Variants in WDR81 observed in about 807,000 individuals in gnomAD.
WDR81 encodes the protein WD repeat-containing protein 81.
WDR81 carries 92 observed loss-of-function variants against 140.8 expected under a neutral mutation model. The ratio of observed to expected loss-of-function variants is 0.65; its 90% CI spans 0.55 to 0.78. The LOEUF is 0.78. Among genes scored for constraint, WDR81 ranks in the 30% least tolerant of loss-of-function variants. The probability of loss-of-function intolerance (pLI) is 0.00; values close to 1 mark genes in which losing one functional copy is unlikely to be tolerated. For missense variants in WDR81, 2,502 were observed against 2,636.4 expected, an observed-to-expected ratio of 0.95 and a Z score of 1.12; for synonymous variants, 1,183 against 1,156.4, an observed-to-expected ratio of 1.02 and a Z score of -0.47.
At position 1,733,839 on chromosome 17, in the gene WDR81, C is replaced by A. The variant is rs1359764821; in HGVS notation, c.4802C>A (p.Ala1601Asp). 1 of 1,612,618 alleles carries A rather than the reference C, an allele frequency of 6.2e-7. No individual in the cohort carries two copies. Among genetic ancestry groups the A allele is most frequent in the Non-Finnish European group, 8.5e-7 (1 of 1,179,848 alleles). The change falls in exon 7 of 10, where the codon GCC becomes GAC. Residue 1601 changes from alanine (A) to aspartate (D), a missense_variant. Transcript: ENST00000409644. ...GGLGSGSDDN[A>D]LKQELPRSVH... is the part of the protein sequence containing the mutation. Reference sequence around the variant, plus strand: ...CTGGGCAGCGGGAGCGACGACAACGCCCTGAAGCAGGAGCTGCCGCGGAGC... The same window carrying A: ...CTGGGCAGCGGGAGCGACGACAACGACCTGAAGCAGGAGCTGCCGCGGAGC...
At chr17:1,717,907 T>G (rs1398655871) in intron 1 of WDR81, among the ~76,000 whole-genome samples, 1 of 152,028 alleles carries the variant, frequency 6.6e-6, no homozygotes, top group African/African-American at 2.4e-5. Flanking sequence ...AGGTCCAGAA[T>G]GGTGGCTGGC....
In WDR81 at chr17:1,726,970, C is replaced by T. The variant is rs1915319421; in HGVS notation, c.2011C>T (p.Leu671Phe). 2 of 1,550,478 alleles carry T rather than the reference C, an allele frequency of 1.3e-6. No individual in the cohort carries two copies. Among genetic ancestry groups the T allele is most frequent in the Non-Finnish European group, 8.7e-7 (1 of 1,146,992 alleles). Residue 671 changes from leucine (L) to phenylalanine (F), a missense_variant, in exon 1 of 10, where the codon CTT (leucine) becomes TTT (phenylalanine). This residue lies in a region of WDR81 where 1,737 missense variants were observed against 1,843.0 expected (regional missense o/e 0.94). Transcript: ENST00000409644. ...CACAGAAGCTCTGGATTCCATTTCC[C>T]TTGCTGGGAAAGCAGGTGACCAGCT... Reference protein sequence around the residue: ...QATEALDSISLAGKAGDQLGS... With the variant: ...QATEALDSISFAGKAGDQLGS...
Position 1,728,416 on chromosome 17 carries a change from G to A in WDR81, c.3457G>A (p.Glu1153Lys), listed in dbSNP as rs1436697489. The change falls in exon 1 of 10, where the codon GAG becomes AAG. Residue 1153 changes from glutamate to lysine, a missense_variant. Physicochemically the swap from Glu to Lys is moderately conservative, Grantham distance 56. Around this residue, in one of 3 missense-constraint regions of WDR81, gnomAD observed 1,737 missense variants for 1,843.0 expected, o/e 0.94. Coordinates refer to ENST00000409644, the MANE Select transcript of WDR81 (RefSeq NM_001163809.2). The part of the protein sequence containing the change: ...SQDLKQSEGS[E>K]EEEEEEDSCV... ...GGACTTGAAGCAAAGCGAGGGCTCCGAGGAGGAAGAGGAGGAGGAGGACAG... is the reference window on the plus strand; with the variant it reads ...GGACTTGAAGCAAAGCGAGGGCTCCAAGGAGGAAGAGGAGGAGGAGGACAG... 72 of 1,612,506 alleles carry A rather than the reference G, an allele frequency of 4.5e-5. No individual in the cohort carries two copies. The highest frequency in any genetic ancestry group is 5.8e-5 in the Non-Finnish European group (69 of 1,179,674).
At position 1,733,674 on chromosome 17, in the gene WDR81, G is replaced by T. The variant is rs1381342888; in HGVS notation, c.4637G>T (p.Gly1546Val). 13 of 1,610,638 alleles carry T rather than the reference G, an allele frequency of 8.1e-6. No homozygotes were observed. The highest frequency in any genetic ancestry group is 1.3e-5 in the African/African-American group (1 of 74,898). Residue 1546 changes from glycine to valine, a missense_variant, in exon 7 of 10, where the codon GGT (glycine) becomes GTT (valine). Coordinates refer to ENST00000409644, the MANE Select transcript of WDR81 (RefSeq NM_001163809.2). The stretch of plus-strand genomic sequence containing the variant: ...ACCGGGCCCGAGTGGGACCCCCATG[G>T]TGGGGGCTGCCCTCAGGATGACGGC... ...PGTGPEWDPHGGGCPQDDGHS... is the reference protein window; with the variant it reads ...PGTGPEWDPHVGGCPQDDGHS...
intron 5 of WDR81, 40 bp downstream of exon 5, chr17:1,732,530 G>C: frequency 1.2e-6 from 2 of 1,602,310 alleles, no homozygotes; most frequent in Non-Finnish European, 1.7e-6. Context: ...TGGGGCGGGG[G>C]CTGTGGACCT....
At chr17:1,718,051 C>T (rs1439533024) in intron 1 of WDR81, among the ~76,000 whole-genome samples, 4 of 152,132 alleles carry the variant, frequency 2.6e-5, no homozygotes, top group Non-Finnish European at 5.9e-5. Flanking sequence ...CCCTATTCCT[C>T]CATGGACAGG....
rs771114477 is a variant in WDR81, at chr17:1,728,424, AGAGGAG to A, written c.3474_3479del (p.Glu1158_Glu1159del). On this transcript the variant is annotated inframe_deletion, in exon 1 of 10. Transcript: ENST00000409644. ...AGCAAAGCGAGGGCTCCGAGGAGGA[AGAGGAG>A]GAGGAGGACAGCTGCGTGGTGCTAG... 2 of 1,612,308 alleles carry A rather than the reference AGAGGAG, an allele frequency of 1.2e-6. No homozygotes were observed. Among genetic ancestry groups the A allele is most frequent in the Non-Finnish European group, 1.7e-6 (2 of 1,179,528 alleles).
rs1042577555 is a variant in WDR81 at position 1,738,071 on chromosome 17, G to T, written c.*386G>T. ...GCCGGTCTCTAGCCCCTCAGCCCCC[G>T]CTGGGCACTCTCTGTCCCATCCCTC... On this transcript the variant is annotated 3_prime_UTR_variant, in exon 10 of 10. Transcript: ENST00000409644. 6.6e-6 allele frequency: 2 copies of T among 300,996 alleles called. No individual in the cohort carries two copies. Among genetic ancestry groups the T allele is most frequent in the South Asian group, 8.1e-5 (2 of 24,690 alleles). 18.6% of individuals were successfully genotyped at this position (300,996 alleles called of 1,614,324 possible).
chr17:1,736,058 G>A lies in WDR81; in HGVS notation c.5345G>A (p.Gly1782Asp), dbSNP rs767550213. Residue 1782 changes from glycine (G) to aspartate (D), a missense_variant, in exon 9 of 10, where the codon GGT becomes GAT. Gly to Asp is a moderately conservative substitution (Grantham distance 94). Coordinates refer to ENST00000409644, the MANE Select transcript of WDR81 (RefSeq NM_001163809.2). ...CTGCAGCACGAGTTCCGACTGGGCGGTGGGCTGAACCCTGGGCTTGTCCGT... is the reference window on the plus strand; with the variant it reads ...CTGCAGCACGAGTTCCGACTGGGCGATGGGCTGAACCCTGGGCTTGTCCGT... ...PGLQHEFRLGGGLNPGLVRAL... is the reference protein window; with the variant it reads ...PGLQHEFRLGDGLNPGLVRAL... 1.3e-6 allele frequency: 2 copies of A among 1,599,564 alleles called. No homozygotes were observed. Among genetic ancestry groups the A allele is most frequent in the Admixed American group, 3.3e-5 (2 of 59,870 alleles).
upstream of WDR81, among the ~76,000 whole-genome samples, chr17:1,723,443 TTTTATTTATTTATTTTTA>T (rs1388675324): frequency 8.4e-5 from 12 of 142,160 alleles, 1 homozygote; most frequent in Middle Eastern, 3.6e-3. Flanking sequence ...TTGGTTTTAT[TTTTATTTATTTATTTTTA>T]TTTATTTATT....
At chr17:1,724,408 G>A (rs1403012456), upstream of WDR81, 23 of 893,156 alleles carry the variant, frequency 2.6e-5, no homozygotes, top group Non-Finnish European at 2.9e-5. Flanking sequence ...CTGGTTGTGC[G>A]GTCCGCACTT....
At position 1,728,244 on chromosome 17, in the gene WDR81, C is replaced by T. The variant is rs748704850; in HGVS notation, c.3285C>T (p.Pro1095=). ...FQAGLYVTES[P]QPQEAEAVSL... ...CCGGGCTCTATGTGACTGAGTCTCCCCAGCCCCAGGAGGCTGAGGCTGTGA... is the reference window on the plus strand; with the variant it reads ...CCGGGCTCTATGTGACTGAGTCTCCTCAGCCCCAGGAGGCTGAGGCTGTGA... Residue 1095 remains proline (P), a synonymous_variant, in exon 1 of 10, where the codon CCC becomes CCT. Coordinates refer to ENST00000409644, the MANE Select transcript of WDR81 (RefSeq NM_001163809.2). 1.2e-6 allele frequency: 2 copies of T among 1,611,200 alleles called. No homozygotes were observed. The highest frequency in any genetic ancestry group is 2.2e-5 in the South Asian group (2 of 90,924).
Position 1,733,557 on chromosome 17 carries a change from A to C in WDR81, c.4520A>C (p.His1507Pro), listed in dbSNP as rs1904557410. The C allele has an allele frequency of 1.3e-6, 2 of 1,520,076 alleles. No homozygotes were observed. The highest frequency in any genetic ancestry group is 4.6e-5 in the East Asian group (2 of 43,886). 94.2% of individuals were successfully genotyped at this position (1,520,076 alleles called of 1,614,324 possible). ...GDIIRKIIPN[H>P]ELVGELAALY... ...ATCATCCGGAAAATCATCCCCAACCACGAGCTGGTTGGGGAGCTGGCGGCG... is the reference window on the plus strand; with the variant it reads ...ATCATCCGGAAAATCATCCCCAACCCCGAGCTGGTTGGGGAGCTGGCGGCG... Residue 1507 changes from histidine (H) to proline (P), a missense_variant, in exon 7 of 10, where the codon CAC (histidine) becomes CCC (proline). Physicochemically the swap from His to Pro is moderately conservative, Grantham distance 77. This residue lies in a region of WDR81 where 1,737 missense variants were observed against 1,843.0 expected (regional missense o/e 0.94). Transcript: ENST00000409644.
chr17:1,727,090 C>G lies in WDR81; in HGVS notation c.2131C>G (p.Pro711Ala), dbSNP rs1390326858. 1.3e-6 allele frequency: 2 copies of G among 1,548,540 alleles called. No individual in the cohort carries two copies. Among genetic ancestry groups the G allele is most frequent in the Non-Finnish European group, 1.7e-6 (2 of 1,145,754 alleles). Residue 711 changes from proline to alanine, a missense_variant, in exon 1 of 10, where the codon CCT becomes GCT. Coordinates refer to ENST00000409644, the MANE Select transcript of WDR81 (RefSeq NM_001163809.2). ...GRRNKAAGAD[P>A]GEGEEGRILL... is the part of the protein sequence containing the mutation. ...CAGGAATAAAGCTGCTGGGGCAGAC[C>G]CTGGGGAGGGTGAGGAGGGGAGGAT...
At chr17:1,733,027 G>A (rs769472301) in intron 6 of WDR81, 196 bp downstream of exon 6, 94 of 669,432 alleles carry the variant, frequency 1.4e-4, no homozygotes, top group Non-Finnish European at 2.0e-4. Context: ...GCCAGCAAGA[G>A]AGGCCCAGAA....
rs570867728 is a variant in WDR81, at chr17:1,730,329, G to T, written c.3668-51G>T. ...GGTGCCGTGGGGTGGGGTGGGAGGG[G>T]TGATGAGCCCCTGTTATCTGAGGAG... is the stretch of plus-strand genomic sequence containing the variant. On this transcript the variant is annotated intron_variant, in intron 1 of 9. Coordinates refer to ENST00000409644, the MANE Select transcript of WDR81 (RefSeq NM_001163809.2). 5.4e-6 allele frequency: 8 copies of T among 1,478,436 alleles called. No homozygotes were observed. In the African/African-American group the frequency reaches 1.1e-4, roughly 21 times the overall value. 91.6% of individuals were successfully genotyped at this position (1,478,436 alleles called of 1,614,324 possible). A position where few individuals can be genotyped will look rare whatever the true frequency, so the allele number is the denominator to read the frequency against.
chr17:1,730,053 G>A (rs989119830), intron 1 of WDR81, among the ~76,000 whole-genome samples: 3 of 152,086 alleles, frequency 2.0e-5, no homozygotes, highest in African/African-American at 7.2e-5. Flanking sequence ...TGGCGAGACC[G>A]AGGGAGTGGA....
At chr17:1,732,563 C>T in intron 5 of WDR81, 73 bp downstream of exon 5, 2 of 1,582,094 alleles carry the variant, frequency 1.3e-6, no homozygotes, top group Non-Finnish European at 1.7e-6. Flanking sequence ...GGGCATCTTG[C>T]TCATAGGATC....
chr17:1,731,255 C>T lies in WDR81; in HGVS notation c.4154C>T (p.Thr1385Met), dbSNP rs375460864. 28 of 1,612,688 alleles carry T rather than the reference C, an allele frequency of 1.7e-5. No homozygotes were observed. Among genetic ancestry groups the T allele is most frequent in the Middle Eastern group, 1.6e-4 (1 of 6,082 alleles). The change falls in exon 4 of 10, where the codon ACG (threonine) becomes ATG (methionine). Residue 1385 changes from threonine to methionine, a missense_variant. Around this residue, in one of 3 missense-constraint regions of WDR81, gnomAD observed 1,737 missense variants for 1,843.0 expected, o/e 0.94. Coordinates refer to ENST00000409644, the MANE Select transcript of WDR81 (RefSeq NM_001163809.2). ...PVLSFLTSLV[T>M]GFPSGAQART... ...CTCAGCTTCCTCACCTCCCTCGTCACGGGGTAGGCCTCTGCCCCAGCTGAT... is the reference window on the plus strand; with the variant it reads ...CTCAGCTTCCTCACCTCCCTCGTCATGGGGTAGGCCTCTGCCCCAGCTGAT...
Sources: allele counts gnomAD v4.1 joint callset (sites outside exome capture counted in the v4.1 genomes callset), GRCh38; gene constraint gnomAD v4.1.1; regional missense constraint gnomAD v4.1.1; transcripts MANE v1.5; gene names NCBI Gene and HGNC (gene_info 2026-07-23, HGNC 2026-07-21).